NEMP2: variants seen among roughly 807,000 people sequenced by gnomAD.
The protein encoded by NEMP2 is nuclear envelope integral membrane protein 2.
NEMP2 carries 53 observed loss-of-function variants against 54.2 expected under a neutral mutation model. That is an observed-to-expected ratio of 0.98 (90% CI 0.78 to 1.23). NEMP2 has a LOEUF of 1.23. Among genes scored for constraint, NEMP2 ranks in the 50% most tolerant of loss-of-function variants. NEMP2 has a pLI of 0.00. For missense variants in NEMP2, 455 were observed against 511.3 expected, an observed-to-expected ratio of 0.89 and a Z score of 1.06; for synonymous variants, 197 against 190.3, an observed-to-expected ratio of 1.04 and a Z score of -0.29.
At chr2:190,501,842 G>A (rs1690039007), downstream of NEMP2, 1 of 152,606 alleles carries the variant, frequency 6.6e-6, no homozygotes, top group Admixed American at 6.5e-5. Flanking sequence ...CATTTTAAGT[G>A]ACCTTTAAAA....
At chr2:190,572,873 A>ATACATG in the NEMP2 span, among the ~76,000 whole-genome samples, 2 of 110,324 alleles carry the variant, frequency 1.8e-5, no homozygotes. Context: ...ATATATATAT[A>ATACATG]TATGTATATA....
At chr2:190,464,639 C>T in the NEMP2 span, among the ~76,000 whole-genome samples, 2 of 152,284 alleles carry the variant, frequency 1.3e-5, no homozygotes, top group South Asian at 4.2e-4. Context: ...TTTGGCCAAC[C>T]ACTTCTAACT....
chr2:190,586,332 GGTTTT>G, the NEMP2 span, among the ~76,000 whole-genome samples: 10 of 151,968 alleles, frequency 6.6e-5, no homozygotes, highest in East Asian at 1.2e-3. The surrounding 1 kb of genome is among the most constrained non-coding windows in gnomAD (Gnocchi z 4.5). Context: ...GTTTCGTTTT[GGTTTT>G]GTTTTTTGTT....
chr2:190,463,453 C>T, the NEMP2 span, among the ~76,000 whole-genome samples: 2 of 152,044 alleles, frequency 1.3e-5, no homozygotes, highest in Admixed American at 6.6e-5. This position sits in a 1 kb window ranked among gnomAD's most constrained non-coding sequence, Gnocchi z 4.4. Context: ...GCCACTCTGC[C>T]TACTCTAGGA....
At chr2:190,572,935 A>T in the NEMP2 span, among the ~76,000 whole-genome samples, 1 of 146,178 alleles carries the variant, frequency 6.8e-6, no homozygotes, top group South Asian at 2.2e-4. Flanking sequence ...AACTAGGATT[A>T]CTAGGTCAAA....
At chr2:190,471,558 T>G in the NEMP2 span, among the ~76,000 whole-genome samples, 1 of 152,192 alleles carries the variant, frequency 6.6e-6, no homozygotes, top group African/African-American at 2.4e-5. The surrounding 1 kb of genome is among the most constrained non-coding windows in gnomAD (Gnocchi z 4.7). Context: ...CACCCGCCAT[T>G]GCTGAGGCTT....
the NEMP2 span, among the ~76,000 whole-genome samples, chr2:190,592,977 C>T: frequency 1.3e-5 from 2 of 152,152 alleles, no homozygotes; most frequent in African/African-American, 2.4e-5. The surrounding 1 kb of genome is among the most constrained non-coding windows in gnomAD (Gnocchi z 4.4). Context: ...TCAGAGTTCA[C>T]GATCAGACTG....
the NEMP2 span, among the ~76,000 whole-genome samples, chr2:190,621,464 T>C: frequency 1.3e-5 from 2 of 152,228 alleles, no homozygotes; most frequent in East Asian, 3.8e-4. Context: ...GCCATTATAG[T>C]GGCACATGAC....
At chr2:190,458,785 C>A in the NEMP2 span, among the ~76,000 whole-genome samples, 1 of 152,126 alleles carries the variant, frequency 6.6e-6, no homozygotes, top group South Asian at 2.1e-4. This position sits in a 1 kb window ranked among gnomAD's most constrained non-coding sequence, Gnocchi z 5.3. Context: ...CAGCAAATGA[C>A]CAGAGGTGTA....
the NEMP2 span, chr2:190,464,852 T>G: frequency 1.1e-6 from 1 of 925,122 alleles, no homozygotes; most frequent in Non-Finnish European, 1.3e-6. Context: ...AGTGGCATCT[T>G]AATAAATGTT....
At chr2:190,569,354 CATTGATTTTA>C in the NEMP2 span, among the ~76,000 whole-genome samples, 4 of 151,842 alleles carry the variant, frequency 2.6e-5, no homozygotes, top group African/African-American at 7.3e-5. Context: ...ATTACTAAGC[CATTGATTTTA>C]TAGAGTTGTG....
chr2:190,510,238 C>T lies in NEMP2; in HGVS notation c.1130+123G>A, dbSNP rs546223522. 8.5e-7 allele frequency: 1 copy of T among 1,182,650 alleles called. No individual in the cohort carries two copies. The highest frequency in any genetic ancestry group is 2.6e-5 in the East Asian group (1 of 38,844). 73.3% of individuals were successfully genotyped at this position (1,182,650 alleles called of 1,614,324 possible). A position where few individuals can be genotyped will look rare whatever the true frequency, so the allele number is the denominator to read the frequency against. On this transcript the variant is annotated intron_variant, in intron 8 of 8. Coordinates refer to ENST00000409150, the MANE Select transcript of NEMP2 (RefSeq NM_001142645.2). This position sits in a 1 kb window ranked among gnomAD's most constrained non-coding sequence, Gnocchi z 5.7. ...GAGAAAAGGGACCTCTGACAACTTC[C>T]ACATCATCTGTTATCCAGGGAAACA...
intron 6 of NEMP2, 120 bp downstream of exon 6, chr2:190,516,150 C>A: frequency 1.6e-6 from 1 of 634,120 alleles, no homozygotes; most frequent in Non-Finnish European, 2.6e-6. Flanking sequence ...TTAGTAGCAC[C>A]TTTCGTTAGT....
the NEMP2 span, chr2:190,610,564 T>C: frequency 6.6e-6 from 1 of 152,202 alleles, no homozygotes; most frequent in Non-Finnish European, 1.5e-5. This position sits in a 1 kb window ranked among gnomAD's most constrained non-coding sequence, Gnocchi z 5.4. Context: ...AAGGAGAGCA[T>C]ACCATTCCAG....
the NEMP2 span, among the ~76,000 whole-genome samples, chr2:190,584,113 T>C: frequency 6.6e-6 from 1 of 152,172 alleles, no homozygotes; most frequent in South Asian, 2.1e-4. The surrounding 1 kb of genome is among the most constrained non-coding windows in gnomAD (Gnocchi z 4.2). Context: ...TGCAACTTTG[T>C]CTCTGGGGGC....
downstream of NEMP2, chr2:190,501,246 G>A (rs1469751146): frequency 6.6e-6 from 1 of 152,168 alleles, no homozygotes; most frequent in Admixed American, 6.5e-5. Flanking sequence ...TTTTGGTGAG[G>A]AAAAGGTGGT....
intron 7 of NEMP2, among the ~76,000 whole-genome samples, chr2:190,511,586 G>A (rs1247887262): frequency 1.5e-5 from 2 of 132,848 alleles, no homozygotes; most frequent in Non-Finnish European, 3.1e-5. Context: ...CCAGAGTCTC[G>A]CTCTGTTGCC....
chr2:190,440,951 C>T, the NEMP2 span, among the ~76,000 whole-genome samples: 1 of 152,158 alleles, frequency 6.6e-6, no homozygotes, highest in Non-Finnish European at 1.5e-5. Context: ...TGGGCTTCAG[C>T]ACAGCCAAGG....
the NEMP2 span, among the ~76,000 whole-genome samples, chr2:190,481,614 C>A: frequency 6.6e-6 from 1 of 152,224 alleles, no homozygotes; most frequent in Non-Finnish European, 1.5e-5. Context: ...AGACTGTAAG[C>A]TCCTTGGTGG....
Sources: allele counts gnomAD v4.1 joint callset (sites outside exome capture counted in the v4.1 genomes callset), GRCh38; gene constraint gnomAD v4.1.1; non-coding constraint Gnocchi (gnomAD v3.1); transcripts MANE v1.5; gene names NCBI Gene and HGNC (gene_info 2026-07-23, HGNC 2026-07-21).